The following GRID2 variants were observed in gnomAD, a reference collection of about 807,000 sequenced individuals.
GRID2 encodes glutamate receptor ionotropic, delta-2.
A neutral mutation model predicts 114.8 loss-of-function variants in GRID2; 33 were observed. The ratio of observed to expected loss-of-function variants is 0.29; its 90% CI spans 0.22 to 0.38. The LOEUF is 0.38. Among genes scored for constraint, GRID2 ranks in the 10% least tolerant of loss-of-function variants. The pLI, the probability that GRID2 is intolerant of heterozygous loss-of-function variation, is 1.00. For synonymous variants in GRID2, 505 were observed against 449.9 expected, an observed-to-expected ratio of 1.12 and a Z score of -1.55; for missense variants, 1,184 against 1,257.7, an observed-to-expected ratio of 0.94 and a Z score of 0.89.
At chr4:92,704,740 T>TCTCTCC (rs1159200974) in intron 2 of GRID2, among the ~76,000 whole-genome samples, 1 of 150,700 alleles carries the variant, frequency 6.6e-6, no homozygotes, top group Non-Finnish European at 1.5e-5. Context: ...TCTCTCTCTC[T>TCTCTCC]CTCTCCCTCC....
At chr4:93,047,642 T>G (rs1017237216) in intron 2 of GRID2, among the ~76,000 whole-genome samples, 1 of 152,054 alleles carries the variant, frequency 6.6e-6, no homozygotes, top group African/African-American at 2.4e-5. Context: ...TATCATAGAA[T>G]TGTGAATAAA....
chr4:93,517,975 GTACATGTATGTATATACATA>G (rs1729934339), intron 13 of GRID2, among the ~76,000 whole-genome samples: 1 of 28,762 alleles, frequency 3.5e-5, no homozygotes, highest in African/African-American at 2.1e-4. Flanking sequence ...ATACATACAT[GTACATGTATGTATATACATA>G]CATGTATATG....
rs192566259 is a variant in GRID2, at chr4:92,878,376, T to G, written c.245-206619T>G. On this transcript the variant is annotated intron_variant, in intron 2 of 15. Transcript: ENST00000282020. ...ACAAATATTTGAAATCATTTTTATG[T>G]AGCCCAGCAGTACATTTCATCGACT... Among the ~76,000 whole-genome samples the G allele has an allele frequency of 1.3e-3, 192 of 152,282 alleles. 2 individuals are homozygous for G. Among genetic ancestry groups the G allele is most frequent in the African/African-American group, 4.4e-3 (184 of 41,574 alleles).
intron 4 of GRID2, among the ~76,000 whole-genome samples, chr4:93,131,262 TC>T (rs1187786339): frequency 4.0e-5 from 6 of 149,144 alleles, no homozygotes; most frequent in African/African-American, 7.4e-5. Flanking sequence ...AAAGCGATTC[TC>T]CTACCCCAGC....
At chr4:93,382,982 TA>T (rs1296999742) in intron 8 of GRID2, among the ~76,000 whole-genome samples, 4 of 152,060 alleles carry the variant, frequency 2.6e-5, no homozygotes, top group African/African-American at 9.6e-5. Context: ...TACGTAAATT[TA>T]AGGTCTTCTC....
At chr4:93,760,023 C>G (rs1424129034) in intron 14 of GRID2, among the ~76,000 whole-genome samples, 1 of 152,124 alleles carries the variant, frequency 6.6e-6, no homozygotes, top group Non-Finnish European at 1.5e-5. Context: ...GGAAACTTTT[C>G]TTCACCTCTG....
At chr4:92,943,732 G>C (rs951332500) in intron 2 of GRID2, among the ~76,000 whole-genome samples, 1 of 152,124 alleles carries the variant, frequency 6.6e-6, no homozygotes, top group African/African-American at 2.4e-5. Flanking sequence ...GGTCTTTGAT[G>C]ATGGTGACGT....
chr4:93,491,630 A>G (rs1471995929), intron 12 of GRID2, among the ~76,000 whole-genome samples: 1 of 151,876 alleles, frequency 6.6e-6, no homozygotes, highest in Non-Finnish European at 1.5e-5. Context: ...GAATTTTCCT[A>G]AAGTTGGACA....
intron 2 of GRID2, among the ~76,000 whole-genome samples, chr4:92,657,216 A>G (rs1056557130): frequency 6.6e-6 from 1 of 150,834 alleles, no homozygotes; most frequent in Non-Finnish European, 1.5e-5. Flanking sequence ...ACTTTTATCA[A>G]TATACCATCA....
chr4:92,441,081 T>A (rs879201567), intron 1 of GRID2, among the ~76,000 whole-genome samples: 1 of 151,936 alleles, frequency 6.6e-6, no homozygotes, highest in Non-Finnish European at 1.5e-5. Context: ...GCTAAAACAG[T>A]AAGGTCAAGT....
intron 1 of GRID2, among the ~76,000 whole-genome samples, chr4:92,535,769 A>T (rs1052869388): frequency 2.6e-5 from 4 of 152,192 alleles, no homozygotes; most frequent in African/African-American, 7.2e-5. Flanking sequence ...GAAGCCACGG[A>T]CCGTCGTGGT....
intron 2 of GRID2, among the ~76,000 whole-genome samples, chr4:92,951,481 C>T (rs1168274742): frequency 1.3e-5 from 2 of 151,946 alleles, no homozygotes; most frequent in South Asian, 2.1e-4. Context: ...GCTTGGACTA[C>T]AGGTACACTC....
chr4:93,451,569 C>A (rs1722688433), intron 10 of GRID2, among the ~76,000 whole-genome samples: 1 of 151,978 alleles, frequency 6.6e-6, no homozygotes, highest in Admixed American at 6.6e-5. Flanking sequence ...AAGAGCCATG[C>A]AAATTCATTG....
Position 93,050,298 on chromosome 4 carries a change from A to C in GRID2, c.245-34697A>C, listed in dbSNP as rs191778809. 1.9e-3 allele frequency among the ~76,000 whole-genome samples: 287 copies of C among 152,172 alleles called. 4 individuals carry two copies. Among genetic ancestry groups the C allele is most frequent in the South Asian group, 9.9e-3 (48 of 4,826 alleles). ...TATCTCCTCTTATTCTTTTATTTTT[A>C]ATTAAAGCTGCAGAGAGTCATTGAC... On this transcript the variant is annotated intron_variant, in intron 2 of 15. Transcript: ENST00000282020.
chr4:92,317,025 A>T (rs570198365), intron 1 of GRID2, among the ~76,000 whole-genome samples: 4 of 152,290 alleles, frequency 2.6e-5, no homozygotes, highest in Admixed American at 2.6e-4. Context: ...AGGCGTTAAG[A>T]TGTGGTTATT....
intron 2 of GRID2, among the ~76,000 whole-genome samples, chr4:92,593,266 T>A (rs1027757323): frequency 2.6e-5 from 4 of 152,030 alleles, no homozygotes; most frequent in Non-Finnish European, 5.9e-5. Flanking sequence ...AGAGGTTAGA[T>A]AAGTAAAATC....
intron 2 of GRID2, among the ~76,000 whole-genome samples, chr4:93,026,991 C>G (rs1489567739): frequency 6.6e-6 from 1 of 151,990 alleles, no homozygotes; most frequent in African/African-American, 2.4e-5. Flanking sequence ...AGATGTTACT[C>G]AGAAGTGAGA....
intron 1 of GRID2, among the ~76,000 whole-genome samples, chr4:92,574,434 T>G (rs1038590295): frequency 1.0e-5 from 1 of 100,392 alleles, no homozygotes; most frequent in Non-Finnish European, 2.1e-5. Context: ...TTTTTTTTTG[T>G]GGCTGGTAAT....
intron 2 of GRID2, among the ~76,000 whole-genome samples, chr4:92,924,382 TA>T (rs1431767720): frequency 2.0e-5 from 3 of 151,570 alleles, no homozygotes; most frequent in Non-Finnish European, 4.4e-5. Flanking sequence ...ACATGTACCC[TA>T]AAACTTAAAG....
Sources: gnomAD v4.1 joint callset for allele counts (sites outside exome capture counted in the v4.1 genomes callset) on GRCh38, gnomAD v4.1.1 for gene constraint, MANE v1.5 for transcripts, NCBI Gene and HGNC (gene_info 2026-07-23, HGNC 2026-07-21) for gene names.